Variants in LNPK observed in about 807,000 individuals in gnomAD.
LNPK encodes the protein lunapark, ER junction formation factor, also known as endoplasmic reticulum junction formation protein lunapark.
LNPK carries 29 observed loss-of-function variants against 55.2 expected under a neutral mutation model. That is an observed-to-expected ratio of 0.53 (90% CI 0.39 to 0.72). The LOEUF (loss-of-function observed/expected upper bound fraction) is 0.72, where lower values mean the gene tolerates loss of function less well. Among genes scored for constraint, LNPK ranks in the 30% least tolerant of loss-of-function variants. LNPK has a pLI of 0.00. For missense variants in LNPK, 467 were observed against 494.8 expected (o/e 0.94, Z 0.53); for synonymous variants, 162 against 168.2 (o/e 0.96, Z 0.29).
intron 9 of LNPK, among the ~76,000 whole-genome samples, chr2:175,945,922 A>G (rs565823082): frequency 6.6e-6 from 1 of 152,296 alleles, no homozygotes; most frequent in South Asian, 2.1e-4. Context: ...CTGGTTATTA[A>G]TTTTCAAACA....
In LNPK at chr2:175,937,475, C is replaced by T. The variant is rs1684609623; in HGVS notation, c.923G>A (p.Arg308Lys). 1 of 1,613,372 alleles carries T rather than the reference C, an allele frequency of 6.2e-7. No homozygotes were observed. The highest frequency in any genetic ancestry group is 8.5e-7 in the Non-Finnish European group (1 of 1,179,644). The change falls in exon 12 of 13, where the codon AGA (arginine) becomes AAA (lysine). Residue 308 changes from arginine (R) to lysine (K), a missense_variant. By Grantham distance (26) the Arg-to-Lys change is conservative (BLOSUM62 2). Coordinates refer to ENST00000272748, the MANE Select transcript of LNPK (RefSeq NM_030650.3). ...CAYCFFLNPA[R>K]KTRPQAPRLP... is the part of the protein sequence containing the mutation. ...TCTTGGAGCCTGAGGTCTGGTTTTT[C>T]TTGCAGGGTTCAAGAAAAAACAGTA...
At chr2:175,999,441 T>A (rs1245145381) in intron 1 of LNPK, among the ~76,000 whole-genome samples, 1 of 152,236 alleles carries the variant, frequency 6.6e-6, no homozygotes, top group Non-Finnish European at 1.5e-5. Flanking sequence ...AATGACCTAA[T>A]GTATTCTAAC....
intron 12 of LNPK, 98 bp downstream of exon 12, chr2:175,937,246 C>G (rs936219389): frequency 5.8e-6 from 7 of 1,199,594 alleles, no homozygotes; most frequent in Non-Finnish European, 8.3e-6. Context: ...GCAGCAAAAT[C>G]TGATAAATTA....
chr2:175,987,756 T>C (rs1687497148), intron 4 of LNPK, among the ~76,000 whole-genome samples: 1 of 152,162 alleles, frequency 6.6e-6, no homozygotes, highest in Non-Finnish European at 1.5e-5. Flanking sequence ...ATCAAAGCAT[T>C]TGTTGTTCTT....
At position 175,999,954 on chromosome 2, in the gene LNPK, C is replaced by A. The variant is rs149802287; in HGVS notation, c.-63+2206G>T. Among the ~76,000 whole-genome samples, 860 of 152,176 alleles carry A rather than the reference C, an allele frequency of 5.7e-3. 9 individuals carry two copies. Among genetic ancestry groups the A allele is most frequent in the African/African-American group, 0.019 (809 of 41,524 alleles). ...CTAATTTTTGTGTTTTTAGTAGAGA[C>A]GGGGTTTCCCCATGTTGCCCAGGCT... On this transcript the variant is annotated intron_variant, in intron 1 of 12. Coordinates refer to ENST00000272748, the MANE Select transcript of LNPK (RefSeq NM_030650.3).
chr2:175,933,484 T>C (rs1181684987), intron 12 of LNPK, among the ~76,000 whole-genome samples: 1 of 152,258 alleles, frequency 6.6e-6, no homozygotes, highest in Admixed American at 6.5e-5. Context: ...TAAATTAAAA[T>C]TGACAATATG....
At chr2:176,002,126 G>A (rs1252769355) in intron 1 of LNPK, 34 bp downstream of exon 1, 1 of 413,118 alleles carries the variant, frequency 2.4e-6, no homozygotes, top group Non-Finnish European at 4.8e-6. Context: ...CCGCTGCAGA[G>A]CCCTCCCAAC....
intron 1 of LNPK, among the ~76,000 whole-genome samples, chr2:176,001,326 T>G (rs1396064063): frequency 6.6e-6 from 1 of 151,908 alleles, no homozygotes; most frequent in East Asian, 1.9e-4. Context: ...GAGGAAACAG[T>G]AGACACCGAG....
rs1394153342 is a variant in LNPK at position 175,998,082 on chromosome 2, T to A, written c.-62-2436A>T. Among the ~76,000 whole-genome samples, 9 of 152,114 alleles carry A rather than the reference T, an allele frequency of 5.9e-5. No individual in the cohort carries two copies. In the East Asian group the frequency reaches 1.7e-3, roughly 29 times the overall value. ...TAATTTTAGCATTTAGATACTACTA[T>A]CCCTCCATTTTACAAATGAGAAATC... On this transcript the variant is annotated intron_variant, in intron 1 of 12. Coordinates refer to ENST00000272748, the MANE Select transcript of LNPK (RefSeq NM_030650.3).
At chr2:175,960,991 C>T (rs544966842) in intron 8 of LNPK, among the ~76,000 whole-genome samples, 8 of 152,082 alleles carry the variant, frequency 5.3e-5, no homozygotes, top group Admixed American at 1.3e-4. Flanking sequence ...ACACATACAC[C>T]CTCCCAAGAC....
intron 8 of LNPK, among the ~76,000 whole-genome samples, chr2:175,959,633 T>A (rs192301273): frequency 2.1e-4 from 32 of 152,180 alleles, no homozygotes; most frequent in African/African-American, 7.7e-4. Context: ...ACTATTGATG[T>A]TTGGAAGAAA....
At chr2:175,931,918 C>G (rs1350810475) in intron 12 of LNPK, among the ~76,000 whole-genome samples, 2 of 152,096 alleles carry the variant, frequency 1.3e-5, no homozygotes, top group Non-Finnish European at 2.9e-5. Flanking sequence ...AGAATGTATC[C>G]AAGACAGAAT....
At position 175,927,401 on chromosome 2, in the gene LNPK, G is replaced by C. The variant is rs545617671; in HGVS notation, c.*2566C>G. 3 of 152,336 alleles carry C rather than the reference G, an allele frequency of 2.0e-5. No homozygotes were observed. In the East Asian group the frequency reaches 5.8e-4, roughly 29 times the overall value. 9.4% of individuals were successfully genotyped at this position (152,336 alleles called of 1,614,324 possible). On this transcript the variant is annotated 3_prime_UTR_variant, in exon 13 of 13. Coordinates refer to ENST00000272748, the MANE Select transcript of LNPK (RefSeq NM_030650.3). ...ACAAATCAAATACACATTGTGATAA[G>C]GATGGTGAGCAGAGAGTGACATGAT...
intron 4 of LNPK, among the ~76,000 whole-genome samples, chr2:175,984,941 G>C (rs1687335520): frequency 6.6e-6 from 1 of 152,138 alleles, no homozygotes; most frequent in Admixed American, 6.5e-5. Context: ...GTAATAGCAA[G>C]AACTGGAAAC....
At chr2:175,996,469 A>G (rs1687937320) in intron 1 of LNPK, among the ~76,000 whole-genome samples, 2 of 152,210 alleles carry the variant, frequency 1.3e-5, no homozygotes, top group Non-Finnish European at 2.9e-5. Context: ...CCTTTAGCAA[A>G]TCACTTAATG....
rs1273807834 is a variant in LNPK at position 175,947,557 on chromosome 2, C to T, written c.629G>A (p.Arg210Lys). The change falls in exon 9 of 13, where the codon AGG (arginine) becomes AAG (lysine). Residue 210 changes from arginine (R) to lysine (K), a missense_variant. Transcript: ENST00000272748. ...TGATGATAGGGCTGGAGTAACAGTC[C>T]TTTCTGGGGGTCCACCAGGGGCAGA... ...DSSAPGGPPE[R>K]TVTPALSSNV... 1.9e-6 allele frequency: 3 copies of T among 1,614,032 alleles called. No individual in the cohort carries two copies. In the East Asian group the frequency reaches 6.7e-5, roughly 36 times the overall value.
chr2:175,992,175 A>G, intron 4 of LNPK, 56 bp downstream of exon 4: 1 of 1,141,920 alleles, frequency 8.8e-7, no homozygotes, highest in South Asian at 1.5e-5. Context: ...TTAGATATAC[A>G]TTAAGACTCT....
At chr2:175,932,206 A>T (rs1684310933) in intron 12 of LNPK, 1 of 454,584 alleles carries the variant, frequency 2.2e-6, no homozygotes, top group Non-Finnish European at 4.4e-6. Context: ...GTCATATTAA[A>T]GTTTTGTGAT....
chr2:175,957,190 T>A (rs1032773202), intron 8 of LNPK, among the ~76,000 whole-genome samples: 32 of 151,870 alleles, frequency 2.1e-4, no homozygotes, highest in African/African-American at 7.7e-4. Context: ...AAACCCCGTA[T>A]CTACTAAAAC....
Sources: gnomAD v4.1 joint callset for allele counts (sites outside exome capture counted in the v4.1 genomes callset) on GRCh38, gnomAD v4.1.1 for gene constraint, MANE v1.5 for transcripts, NCBI Gene and HGNC (gene_info 2026-07-23, HGNC 2026-07-21) for gene names.